The following TSEN34 variants were observed in gnomAD, a reference collection of about 807,000 sequenced individuals.
TSEN34 encodes the protein tRNA splicing endonuclease subunit 34.
In TSEN34, 25 loss-of-function variants were observed where a neutral mutation model predicts 30.2. That is an observed-to-expected ratio of 0.83 (90% CI 0.60 to 1.16). The LOEUF (loss-of-function observed/expected upper bound fraction) is 1.16, where lower values mean the gene tolerates loss of function less well. Ranked by LOEUF, TSEN34 falls within the 50% of genes most tolerant of loss-of-function variation. The pLI is 0.00. For synonymous variants in TSEN34, 209 were observed against 177.4 expected, an observed-to-expected ratio of 1.18 and a Z score of -1.41; for missense variants, 475 against 411.9, an observed-to-expected ratio of 1.15 and a Z score of -1.33.
upstream of TSEN34, chr19:54,190,295 G>C (rs2147064415): frequency 7.2e-7 from 1 of 1,396,228 alleles, no homozygotes; most frequent in East Asian, 2.6e-5. Context: ...GTGTCGGCAT[G>C]AGGGGGTGGA....
In TSEN34 at chr19:54,193,828, T is replaced by C; in HGVS notation, c.*466T>C. 1.6e-6 allele frequency: 1 copy of C among 619,618 alleles called. No individual in the cohort carries two copies. Among genetic ancestry groups the C allele is most frequent in the Non-Finnish European group, 2.9e-6 (1 of 347,336 alleles). 38.4% of individuals were successfully genotyped at this position (619,618 alleles called of 1,614,324 possible). A position where few individuals can be genotyped will look rare whatever the true frequency, so the allele number is the denominator to read the frequency against. On this transcript the variant is annotated 3_prime_UTR_variant, in exon 4 of 4. Coordinates refer to ENST00000396388, the MANE Select transcript of TSEN34 (RefSeq NM_001077446.4). ...AAAATTGGTTTTTCTGACTCCTAAA[T>C]CTGCACTCTTTCTACCTCACTAAAC...
chr19:54,193,886 A>G lies in TSEN34; in HGVS notation c.*524A>G. ...TGAAAAGATTTCTATGAAATTTCCC[A>G]GATGCATACAAACGTTATAAATAAA... On this transcript the variant is annotated 3_prime_UTR_variant, in exon 4 of 4. Transcript: ENST00000396388. 1.7e-6 allele frequency: 1 copy of G among 587,140 alleles called. No homozygotes were observed. The highest frequency in any genetic ancestry group is 3.1e-5 in the Admixed American group (1 of 32,574). The allele number at this position is 587,140 out of a possible 1,614,324, so 36.4% of individuals were successfully genotyped here.
intron 3 of TSEN34, 123 bp from the exon 4 acceptor site, chr19:54,193,052 A>T (rs891083956): frequency 7.1e-7 from 1 of 1,417,402 alleles, no homozygotes; most frequent in African/African-American, 1.5e-5. Flanking sequence ...GTCCAAGAGC[A>T]TCTGTTTTAG....
Position 54,191,472 on chromosome 19 carries a change from G to T in TSEN34, c.108G>T (p.Leu36=). ...LGVGGRTVGA[L]PRGPRQNSRL... is the part of the protein sequence containing the mutation. ...TGGGGGGCCGCACGGTAGGCGCCCT[G>T]CCCCGCGGGCCCCGCCAGAACTCGC... The change falls in exon 1 of 4, where the codon CTG becomes CTT. Residue 36 remains leucine, a synonymous_variant. Coordinates refer to ENST00000396388, the MANE Select transcript of TSEN34 (RefSeq NM_001077446.4). The T allele has an allele frequency of 2.6e-6, 4 of 1,549,512 alleles. No homozygotes were observed. The highest frequency in any genetic ancestry group is 3.5e-6 in the Non-Finnish European group (4 of 1,150,098).
chr19:54,193,984 T>C lies in TSEN34; in HGVS notation c.*622T>C. ...TTGGAGGCCAAGGCAGGGGGATCGC[T>C]TGAGCCCAGGAGTTTGAGACCAGCT... is the stretch of plus-strand genomic sequence containing the variant. On this transcript the variant is annotated 3_prime_UTR_variant, in exon 4 of 4. Coordinates refer to ENST00000396388, the MANE Select transcript of TSEN34 (RefSeq NM_001077446.4). The C allele has an allele frequency of 8.5e-6, 3 of 355,004 alleles. No homozygotes were observed. The South Asian group carries it at 1.2e-4, about 14-fold the overall frequency. The allele number at this position is 355,004 out of a possible 1,614,324, so 22.0% of individuals were successfully genotyped here.
chr19:54,190,879 G>A (rs958836972), upstream of TSEN34: 15 of 1,047,756 alleles, frequency 1.4e-5, no homozygotes, highest in Non-Finnish European at 1.5e-5. Flanking sequence ...AGAGGGTGTG[G>A]CCTCGGCGGT....
At chr19:54,191,276 C>T (rs940389075), upstream of TSEN34, 23 of 1,529,912 alleles carry the variant, frequency 1.5e-5, no homozygotes, top group Admixed American at 1.6e-4. Context: ...GGGGCTTCGC[C>T]GAGACCCCGG....
At chr19:54,189,870 A>C, upstream of TSEN34, 1 of 179,364 alleles carries the variant, frequency 5.6e-6, no homozygotes, top group African/African-American at 2.4e-5. Context: ...CTTCGGAGGT[A>C]GTCGAGTCCT....
At chr19:54,190,938 G>GA, upstream of TSEN34, 1 of 1,057,236 alleles carries the variant, frequency 9.5e-7, no homozygotes, top group Non-Finnish European at 1.1e-6. Context: ...CCCGAAGGGG[G>GA]ACGCCCACTT....
chr19:54,190,730 C>T, upstream of TSEN34: 2 of 1,201,872 alleles, frequency 1.7e-6, no homozygotes, highest in Non-Finnish European at 2.1e-6. Context: ...TTCGGTGGAG[C>T]CGAGGACGCC....
chr19:54,193,324 G>C lies in TSEN34; in HGVS notation c.895G>C (p.Val299Leu). ...CTGTTCTCCGCAGCCTGATGGTAAG[G>C]TGGTCTACACCTCCCTGCAATGGGC... ...LLCSPQPDGK[V>L]VYTSLQWASL... The change falls in exon 4 of 4, where the codon GTG becomes CTG. Residue 299 changes from valine (V) to leucine (L), a missense_variant. Physicochemically the swap from Val to Leu is conservative, Grantham distance 32. Transcript: ENST00000396388. 1 of 1,614,188 alleles carries C rather than the reference G, an allele frequency of 6.2e-7. No individual in the cohort carries two copies. The highest frequency in any genetic ancestry group is 2.2e-5 in the East Asian group (1 of 44,884).
rs1311061954 is a variant in TSEN34 at position 54,192,100 on chromosome 19, C to T, written c.488-16C>T. 6.2e-7 allele frequency: 1 copy of T among 1,614,222 alleles called. No homozygotes were observed. Among genetic ancestry groups the T allele is most frequent in the Non-Finnish European group, 8.5e-7 (1 of 1,180,030 alleles). ...CCCCTTGAATTTACCAAACTCTTCTCTGTACTCCCCACCAGGCCCCTCGTC... is the reference window on the plus strand; with the variant it reads ...CCCCTTGAATTTACCAAACTCTTCTTTGTACTCCCCACCAGGCCCCTCGTC... On this transcript the variant is annotated splice_polypyrimidine_tract_variant and intron_variant, in intron 2 of 3. Coordinates refer to ENST00000396388, the MANE Select transcript of TSEN34 (RefSeq NM_001077446.4).
chr19:54,192,871 G>T (rs781475401), intron 3 of TSEN34, among the ~76,000 whole-genome samples: 1 of 152,132 alleles, frequency 6.6e-6, no homozygotes, highest in Non-Finnish European at 1.5e-5. Context: ...TGGGCGTGGT[G>T]GTGGGTGCCT....
Position 54,193,261 on chromosome 19 carries a change from G to A in TSEN34, c.832G>A (p.Gly278Arg). The A allele has an allele frequency of 6.2e-7, 1 of 1,614,104 alleles. No individual in the cohort carries two copies. The highest frequency in any genetic ancestry group is 8.5e-7 in the Non-Finnish European group (1 of 1,180,026). Residue 278 changes from glycine (G) to arginine (R), a missense_variant, in exon 4 of 4, where the codon GGG (glycine) becomes AGG (arginine). Transcript: ENST00000396388. ...CCCACTCCAAGACCTGGTTGCTGCT[G>A]GGCGCCTTGGAACCAGCGTCAGAAA... The part of the protein sequence containing the change: ...TIPLQDLVAA[G>R]RLGTSVRKTL...
rs527905611 is a variant in TSEN34 at position 54,193,123 on chromosome 19, G to T, written c.746-52G>T. ...TCCTCCCAGTGGTCGTTCCCGTGGCGTCCAGCCGTCTGCCATTGGTCACTG... is the reference window on the plus strand; with the variant it reads ...TCCTCCCAGTGGTCGTTCCCGTGGCTTCCAGCCGTCTGCCATTGGTCACTG... On this transcript the variant is annotated intron_variant, in intron 3 of 3. Coordinates refer to ENST00000396388, the MANE Select transcript of TSEN34 (RefSeq NM_001077446.4). 11 of 1,610,782 alleles carry T rather than the reference G, an allele frequency of 6.8e-6. No homozygotes were observed. In the East Asian group the frequency reaches 1.6e-4, roughly 23 times the overall value.
chr19:54,190,062 T>G (rs2076604859), upstream of TSEN34: 1 of 526,032 alleles, frequency 1.9e-6, no homozygotes, highest in Non-Finnish European at 3.3e-6. Context: ...CGACTTGCCC[T>G]CAAAGGGGCG....
chr19:54,193,449 C>T lies in TSEN34; in HGVS notation c.*87C>T, dbSNP rs1032578719. 29 of 1,590,236 alleles carry T rather than the reference C, an allele frequency of 1.8e-5. No individual in the cohort carries two copies. In the African/African-American group the frequency reaches 3.4e-4, roughly 18 times the overall value. ...GCTCTTCTCTGGGAGTCTAGAACATCCTCCTACCTTTCTCCGCGGTTAGTT... is the reference window on the plus strand; with the variant it reads ...GCTCTTCTCTGGGAGTCTAGAACATTCTCCTACCTTTCTCCGCGGTTAGTT... On this transcript the variant is annotated 3_prime_UTR_variant, in exon 4 of 4. Transcript: ENST00000396388.
At position 54,192,269 on chromosome 19, in the gene TSEN34, G is replaced by C; in HGVS notation, c.641G>C (p.Arg214Pro). The change falls in exon 3 of 4, where the codon CGC (arginine) becomes CCC (proline). Residue 214 changes from arginine to proline, a missense_variant. Coordinates refer to ENST00000396388, the MANE Select transcript of TSEN34 (RefSeq NM_001077446.4). ...VQSKDWPHAG[R>P]PAHELRYSIY... is the part of the protein sequence containing the mutation. The stretch of plus-strand genomic sequence containing the variant: ...TCTAAAGACTGGCCCCACGCCGGCC[G>C]CCCTGCCCACGAGCTGCGCTACAGT... The C allele has an allele frequency of 6.2e-7, 1 of 1,614,006 alleles. No homozygotes were observed. The highest frequency in any genetic ancestry group is 8.5e-7 in the Non-Finnish European group (1 of 1,179,992).
chr19:54,193,491 C>T lies in TSEN34; in HGVS notation c.*129C>T, dbSNP rs1374000659. The T allele has an allele frequency of 7.7e-6, 12 of 1,549,876 alleles. No individual in the cohort carries two copies. The South Asian group carries it at 8.3e-5, about 11-fold the overall frequency. ...CGGTTAGTTTTTGATTCCAGGTTTT[C>T]GAACACTACATCTTTTTTATGTTCT... On this transcript the variant is annotated 3_prime_UTR_variant, in exon 4 of 4. Coordinates refer to ENST00000396388, the MANE Select transcript of TSEN34 (RefSeq NM_001077446.4).
Sources: gnomAD v4.1 joint callset for allele counts (sites outside exome capture counted in the v4.1 genomes callset) on GRCh38, gnomAD v4.1.1 for gene constraint, MANE v1.5 for transcripts, NCBI Gene and HGNC (gene_info 2026-07-23, HGNC 2026-07-21) for gene names.